Variants in UNC5D observed in about 807,000 individuals in gnomAD.
UNC5D encodes the protein unc-5 netrin receptor D.
A neutral mutation model predicts 105.4 loss-of-function variants in UNC5D; 39 were observed. That is an observed-to-expected ratio of 0.37 (90% confidence interval 0.29 to 0.48). The LOEUF is 0.48. Ranked by LOEUF, UNC5D falls within the 20% of genes least tolerant of loss-of-function variation. UNC5D has a pLI of 0.98. For synonymous variants in UNC5D, 452 were observed against 450.4 expected (o/e 1.00, Z -0.04); for missense variants, 991 against 1,202.4 (o/e 0.82, Z 2.60).
chr8:35,357,267 T>G (rs1156259409), intron 1 of UNC5D, among the ~76,000 whole-genome samples: 1 of 152,202 alleles, frequency 6.6e-6, no homozygotes, highest in African/African-American at 2.4e-5. Flanking sequence ...GTCAAATACC[T>G]GACAAGCCTC....
At chr8:35,577,263 T>C (rs1201749166) in intron 3 of UNC5D, among the ~76,000 whole-genome samples, 2 of 152,242 alleles carry the variant, frequency 1.3e-5, no homozygotes, top group Non-Finnish European at 2.9e-5. Context: ...TTATCAGTTA[T>C]GCAATAATGT....
rs186111391 is a variant in UNC5D, at chr8:35,548,933, C to T, written c.104-359C>T. On this transcript the variant is annotated intron_variant, in intron 1 of 16. Coordinates refer to ENST00000404895, the MANE Select transcript of UNC5D (RefSeq NM_080872.4). ...ACCATTTTTCAAAATTTTGAAGCAG[C>T]TTGGGGTTGTCATTAGCCCTTTAAG... is the stretch of plus-strand genomic sequence containing the variant. Among the ~76,000 whole-genome samples, 704 of 152,288 alleles carry T rather than the reference C, an allele frequency of 4.6e-3. 5 individuals are homozygous for T. Among genetic ancestry groups the T allele is most frequent in the Non-Finnish European group, 6.0e-3 (409 of 68,016 alleles).
intron 1 of UNC5D, among the ~76,000 whole-genome samples, chr8:35,473,987 T>C (rs1032193344): frequency 2.0e-5 from 3 of 152,152 alleles, no homozygotes; most frequent in Admixed American, 2.0e-4. Context: ...AGGAACCCAC[T>C]CCTGGAATAA....
chr8:35,780,935 T>C (rs1226760801), intron 16 of UNC5D, among the ~76,000 whole-genome samples: 1 of 152,218 alleles, frequency 6.6e-6, no homozygotes, highest in African/African-American at 2.4e-5. Flanking sequence ...TGAGAGAATA[T>C]TTTAAGTGAT....
chr8:35,685,821 T>C (rs1255543688), intron 6 of UNC5D, among the ~76,000 whole-genome samples: 1 of 152,188 alleles, frequency 6.6e-6, no homozygotes, highest in Non-Finnish European at 1.5e-5. Flanking sequence ...TTTTTTATAG[T>C]ACCCTATTCT....
intron 1 of UNC5D, among the ~76,000 whole-genome samples, chr8:35,547,283 C>G (rs1028611826): frequency 8.1e-6 from 1 of 122,924 alleles, no homozygotes; most frequent in Non-Finnish European, 1.6e-5. Context: ...CAGAACATTA[C>G]TCTTTTTTTT....
At chr8:35,512,318 T>C (rs528845850) in intron 1 of UNC5D, among the ~76,000 whole-genome samples, 1 of 150,752 alleles carries the variant, frequency 6.6e-6, no homozygotes, top group East Asian at 2.0e-4. Flanking sequence ...GGTCAAGAGT[T>C]CAAGACAAGC....
chr8:35,444,154 A>C (rs1303383695), intron 1 of UNC5D, among the ~76,000 whole-genome samples: 1 of 151,994 alleles, frequency 6.6e-6, no homozygotes, highest in South Asian at 2.1e-4. Flanking sequence ...CTGAATTGGC[A>C]GTCATTACTG....
At chr8:35,760,703 G>T (rs1232249022) in intron 14 of UNC5D, among the ~76,000 whole-genome samples, 1 of 152,136 alleles carries the variant, frequency 6.6e-6, no homozygotes, top group South Asian at 2.1e-4. Flanking sequence ...ATGCTTTCAG[G>T]CTTCTTTGTT....
intron 1 of UNC5D, among the ~76,000 whole-genome samples, chr8:35,500,234 G>C (rs867279878): frequency 5.9e-5 from 9 of 152,146 alleles, no homozygotes; most frequent in African/African-American, 1.9e-4. Context: ...CATAGTGCTA[G>C]CATCTGTTGA....
At chr8:35,736,404 C>A in intron 11 of UNC5D, among the ~76,000 whole-genome samples, 1 of 152,038 alleles carries the variant, frequency 6.6e-6, no homozygotes, top group East Asian at 1.9e-4. Context: ...GTCTTAAAAA[C>A]CAAATTACAC....
chr8:35,517,875 A>G (rs913153521), intron 1 of UNC5D, among the ~76,000 whole-genome samples: 8 of 152,132 alleles, frequency 5.3e-5, no homozygotes, highest in African/African-American at 1.9e-4. Flanking sequence ...TTCCTCATAG[A>G]CAGCTGTCTT....
Position 35,599,587 on chromosome 8 carries a change from T to C in UNC5D, c.570+3930T>C, listed in dbSNP as rs554957639. Among the ~76,000 whole-genome samples, 15 of 152,290 alleles carry C rather than the reference T, an allele frequency of 9.8e-5. No individual in the cohort carries two copies. In the East Asian group the frequency reaches 2.5e-3, roughly 25 times the overall value. On this transcript the variant is annotated intron_variant, in intron 4 of 16. Coordinates refer to ENST00000404895, the MANE Select transcript of UNC5D (RefSeq NM_080872.4). ...AAGGGAAATTAGTCTGCTAATTATA[T>C]TGATGAATATTTAAGGTTATCCCAG... is the stretch of plus-strand genomic sequence containing the variant.
intron 4 of UNC5D, among the ~76,000 whole-genome samples, chr8:35,598,400 A>C (rs1189384378): frequency 6.6e-6 from 1 of 152,146 alleles, no homozygotes; most frequent in African/African-American, 2.4e-5. Flanking sequence ...ATTTTTCACA[A>C]GTGTTGGCAA....
At chr8:35,424,241 T>A (rs1182259232) in intron 1 of UNC5D, among the ~76,000 whole-genome samples, 1 of 152,194 alleles carries the variant, frequency 6.6e-6, no homozygotes, top group Non-Finnish European at 1.5e-5. Context: ...ATAAGCCACA[T>A]ATATACTTTT....
At chr8:35,319,717 T>A (rs3115001) in intron 1 of UNC5D, among the ~76,000 whole-genome samples, 124,677 of 151,992 alleles carry the variant, frequency 0.82, 51,589 homozygotes, top group East Asian at 1. Flanking sequence ...TTTGAAAAGT[T>A]ATCAAATACA....
chr8:35,390,050 C>T (rs577554812), intron 1 of UNC5D, among the ~76,000 whole-genome samples: 1 of 152,288 alleles, frequency 6.6e-6, no homozygotes, highest in Non-Finnish European at 1.5e-5. Context: ...GGCATCAGCT[C>T]AGCTTCTGGG....
intron 4 of UNC5D, among the ~76,000 whole-genome samples, chr8:35,683,042 G>A (rs763631526): frequency 6.6e-5 from 10 of 152,320 alleles, no homozygotes; most frequent in African/African-American, 2.4e-4. Context: ...GCACAAATCT[G>A]TATTACTTTA....
chr8:35,402,965 C>T (rs902029284), intron 1 of UNC5D, among the ~76,000 whole-genome samples: 5 of 152,164 alleles, frequency 3.3e-5, no homozygotes, highest in Admixed American at 1.3e-4. Flanking sequence ...CATTTTGCCT[C>T]ATAGACCTGT....
Sources: allele counts gnomAD v4.1 joint callset (sites outside exome capture counted in the v4.1 genomes callset), GRCh38; gene constraint gnomAD v4.1.1; transcripts MANE v1.5; gene names NCBI Gene and HGNC (gene_info 2026-07-23, HGNC 2026-07-21).